NKAIN2: variants seen among roughly 807,000 people sequenced by gnomAD.
The protein encoded by NKAIN2 is sodium/potassium-transporting ATPase subunit beta-1-interacting protein 2.
In NKAIN2, 14 loss-of-function variants were observed where a neutral mutation model predicts 32.6. The observed-to-expected ratio is 0.43, with a 90% CI of 0.28 to 0.67. The LOEUF (loss-of-function observed/expected upper bound fraction) is 0.67. NKAIN2 is among the 30% of genes least tolerant of loss of function. The pLI, the probability that NKAIN2 is intolerant of heterozygous loss-of-function variation, is 0.17. For synonymous variants in NKAIN2, 80 were observed against 87.2 expected (o/e 0.92, Z 0.46); for missense variants, 198 against 258.3 (o/e 0.77, Z 1.60).
intron 4 of NKAIN2, among the ~76,000 whole-genome samples, chr6:124,710,539 G>C (rs1429415936): frequency 6.6e-6 from 1 of 152,144 alleles, no homozygotes; most frequent in South Asian, 2.1e-4. Context: ...ATATATTTAG[G>C]TTAGTTAGCT....
chr6:123,895,471 CT>C (rs1389286962), intron 1 of NKAIN2, among the ~76,000 whole-genome samples: 2 of 152,146 alleles, frequency 1.3e-5, no homozygotes, highest in Admixed American at 1.3e-4. Context: ...ATCCAGCTAG[CT>C]TAGCTTACTC....
At chr6:124,632,202 G>C (rs985603785) in intron 3 of NKAIN2, among the ~76,000 whole-genome samples, 3 of 152,036 alleles carry the variant, frequency 2.0e-5, no homozygotes, top group Non-Finnish European at 2.9e-5. Flanking sequence ...CTTTTCACAA[G>C]ACTTCTCAAA....
intron 2 of NKAIN2, among the ~76,000 whole-genome samples, chr6:124,316,373 T>C (rs1160489484): frequency 6.6e-6 from 1 of 152,106 alleles, no homozygotes; most frequent in African/African-American, 2.4e-5. Flanking sequence ...GACACAGAAA[T>C]GAACATCAAC....
chr6:123,937,765 G>C (rs551246157), intron 1 of NKAIN2, among the ~76,000 whole-genome samples: 2 of 152,022 alleles, frequency 1.3e-5, no homozygotes, highest in African/African-American at 4.8e-5. Context: ...TTTGTTTGGG[G>C]TATCAATGTG....
chr6:124,491,639 G>A (rs79016124), intron 3 of NKAIN2, among the ~76,000 whole-genome samples: 1,843 of 151,886 alleles, frequency 0.012, 20 homozygotes, highest in Non-Finnish European at 0.02. Context: ...TCAGAGGTGT[G>A]AATAATGATT....
chr6:124,589,151 A>C (rs1047197441), intron 3 of NKAIN2, among the ~76,000 whole-genome samples: 1 of 152,146 alleles, frequency 6.6e-6, no homozygotes, highest in South Asian at 2.1e-4. Flanking sequence ...AGAAACAGAA[A>C]TTGTGCAAAA....
Position 124,169,647 on chromosome 6 carries a change from G to C in NKAIN2, c.55-113358G>C, listed in dbSNP as rs554655644. On this transcript the variant is annotated intron_variant, in intron 1 of 6. Transcript: ENST00000368417. ...TGAGACCCTCTCATTGGCCTGCCTT[G>C]CTCCTTTCCTTTCTGAGCCATGCTG... Among the ~76,000 whole-genome samples the C allele has an allele frequency of 3.3e-5, 5 of 152,194 alleles. No homozygotes were observed. In the South Asian group the frequency reaches 1.0e-3, roughly 32 times the overall value.
intron 1 of NKAIN2, among the ~76,000 whole-genome samples, chr6:124,130,515 C>G (rs1786419767): frequency 2.6e-5 from 4 of 151,384 alleles, no homozygotes; most frequent in African/African-American, 9.7e-5. Context: ...TATATTTGCT[C>G]TTTTTCTCTT....
At chr6:124,046,328 C>G (rs1782125598) in intron 1 of NKAIN2, among the ~76,000 whole-genome samples, 1 of 151,956 alleles carries the variant, frequency 6.6e-6, no homozygotes, top group African/African-American at 2.4e-5. Context: ...ATTTCACATA[C>G]CGTATTCCTG....
intron 3 of NKAIN2, among the ~76,000 whole-genome samples, chr6:124,457,138 C>T (rs369622805): frequency 2.6e-5 from 4 of 151,696 alleles, no homozygotes; most frequent in South Asian, 2.1e-4. Flanking sequence ...GGTTGGACAC[C>T]GAATGAAAAT....
At chr6:124,708,486 C>G (rs202032468) in intron 4 of NKAIN2, among the ~76,000 whole-genome samples, 5 of 151,536 alleles carry the variant, frequency 3.3e-5, no homozygotes, top group South Asian at 2.1e-4. Context: ...ATGGAATTTT[C>G]TTCCATTTGT....
chr6:124,681,908 C>A, intron 4 of NKAIN2, among the ~76,000 whole-genome samples: 1 of 151,698 alleles, frequency 6.6e-6, no homozygotes. Context: ...CCTTGAGCAC[C>A]AGTGAAGCAA....
At chr6:124,626,914 T>A (rs1460935574) in intron 3 of NKAIN2, among the ~76,000 whole-genome samples, 2 of 152,328 alleles carry the variant, frequency 1.3e-5, no homozygotes, top group African/African-American at 2.4e-5. Context: ...TGAAGATTTT[T>A]AAATTTGTAT....
chr6:124,272,948 G>C (rs1794863617), intron 1 of NKAIN2, among the ~76,000 whole-genome samples: 1 of 152,188 alleles, frequency 6.6e-6, no homozygotes, highest in Non-Finnish European at 1.5e-5. Flanking sequence ...ATTTGGAATG[G>C]AAACATTTAC....
At chr6:124,059,235 G>C (rs144260514) in intron 1 of NKAIN2, among the ~76,000 whole-genome samples, 1 of 152,030 alleles carries the variant, frequency 6.6e-6, no homozygotes, top group Non-Finnish European at 1.5e-5. Context: ...ATAATATCCA[G>C]ACCCATTCTC....
chr6:124,414,888 A>G (rs894381302), intron 3 of NKAIN2, among the ~76,000 whole-genome samples: 1 of 152,132 alleles, frequency 6.6e-6, no homozygotes, highest in African/African-American at 2.4e-5. Context: ...ATTATGATTC[A>G]TAATTAATCT....
intron 3 of NKAIN2, among the ~76,000 whole-genome samples, chr6:124,618,264 G>A (rs1782980370): frequency 6.6e-6 from 1 of 152,110 alleles, no homozygotes; most frequent in South Asian, 2.1e-4. Context: ...GATCACCTGA[G>A]GTCAGGAGTT....
chr6:124,720,594 C>T (rs1041219881), intron 4 of NKAIN2, among the ~76,000 whole-genome samples: 8 of 152,100 alleles, frequency 5.3e-5, no homozygotes, highest in Non-Finnish European at 1.2e-4. Context: ...CTTAAAATGA[C>T]ATTTATTTCT....
chr6:124,760,379 G>A (rs77302760), intron 4 of NKAIN2, among the ~76,000 whole-genome samples: 9,490 of 113,836 alleles, frequency 0.083, 454 homozygotes, highest in South Asian at 0.2. Flanking sequence ...AAGCTTACCT[G>A]TATAGCAAAC....
Sources: allele counts gnomAD v4.1 joint callset (sites outside exome capture counted in the v4.1 genomes callset), GRCh38; gene constraint gnomAD v4.1.1; transcripts MANE v1.5; gene names NCBI Gene and HGNC (gene_info 2026-07-23, HGNC 2026-07-21).